The following TLCD4 variants were observed in gnomAD, a reference collection of about 807,000 sequenced individuals.
The protein encoded by TLCD4 is TLC domain containing 4, also known as TLC domain-containing protein 4.
TLCD4 carries 7 observed loss-of-function variants against 24.2 expected under a neutral mutation model. That is an observed-to-expected ratio of 0.29 (90% CI 0.16 to 0.54). The LOEUF is 0.54. Among genes scored for constraint, TLCD4 ranks in the 20% least tolerant of loss-of-function variants. The probability of loss-of-function intolerance (pLI) is 0.95; values close to 1 mark genes in which losing one functional copy is unlikely to be tolerated. For synonymous variants in TLCD4, 103 were observed against 106.4 expected (o/e 0.97, Z 0.20); for missense variants, 259 against 313.9 (o/e 0.82, Z 1.32).
At chr1:95,144,166 T>G (rs1677287957) in intron 2 of TLCD4, 110 bp downstream of exon 2, 2 of 1,188,388 alleles carry the variant, frequency 1.7e-6, no homozygotes, top group South Asian at 8.3e-5. Context: ...AGGCCAAATT[T>G]TTATTTGATC....
the TLCD4 span, among the ~76,000 whole-genome samples, chr1:95,107,234 T>C: frequency 6.6e-6 from 1 of 152,092 alleles, no homozygotes. Flanking sequence ...CCATCCTGGC[T>C]AACACGGTGA....
chr1:95,125,786 A>G (rs972657899), intron 1 of TLCD4, among the ~76,000 whole-genome samples: 1 of 152,210 alleles, frequency 6.6e-6, no homozygotes, highest in African/African-American at 2.4e-5. Flanking sequence ...CTTCAAATAT[A>G]GAATATAATA....
At chr1:95,135,676 G>C (rs1677022333) in intron 1 of TLCD4, among the ~76,000 whole-genome samples, 1 of 152,022 alleles carries the variant, frequency 6.6e-6, no homozygotes. Flanking sequence ...GAGATTACAG[G>C]TGTGAGCTAC....
At chr1:95,139,938 C>T (rs1035086041) in intron 1 of TLCD4, among the ~76,000 whole-genome samples, 1 of 152,144 alleles carries the variant, frequency 6.6e-6, no homozygotes, top group African/African-American at 2.4e-5. Flanking sequence ...CTAGGTCTGT[C>T]AGAACCATCA....
Position 95,192,087 on chromosome 1 carries a change from G to C in TLCD4, c.*219G>C. 9.6e-7 allele frequency: 1 copy of C among 1,036,686 alleles called. No individual in the cohort carries two copies. Among genetic ancestry groups the C allele is most frequent in the Admixed American group, 3.6e-5 (1 of 28,060 alleles). The allele number at this position is 1,036,686 out of a possible 1,614,324, so 64.2% of individuals were successfully genotyped here. ...CAAGGTGGGTCGATCACTGAGGTCA[G>C]GAGTTCGAGACTAGCTTGGCCAACA... On this transcript the variant is annotated 3_prime_UTR_variant, in exon 7 of 7. Coordinates refer to ENST00000370203, the MANE Select transcript of TLCD4 (RefSeq NM_152487.3).
At chr1:95,123,939 G>A (rs1676641068) in intron 1 of TLCD4, among the ~76,000 whole-genome samples, 1 of 152,148 alleles carries the variant, frequency 6.6e-6, no homozygotes, top group African/African-American at 2.4e-5. Context: ...GGGTAACACA[G>A]TGTTATCAAC....
intron 5 of TLCD4, among the ~76,000 whole-genome samples, chr1:95,161,714 T>C (rs968117224): frequency 9.8e-5 from 15 of 152,312 alleles, no homozygotes; most frequent in African/African-American, 3.4e-4. Flanking sequence ...TGTGTTCTCA[T>C]TGGTTTCAAA....
intron 5 of TLCD4, among the ~76,000 whole-genome samples, chr1:95,158,188 CTTTTTT>C (rs5776255): frequency 3.1e-5 from 4 of 128,792 alleles, no homozygotes; most frequent in South Asian, 2.5e-4. Context: ...TTAATTTTTT[CTTTTTT>C]TTTTTTTTTT....
intron 6 of TLCD4, among the ~76,000 whole-genome samples, chr1:95,178,936 TG>T (rs1427029466): frequency 6.6e-6 from 1 of 152,204 alleles, no homozygotes; most frequent in Non-Finnish European, 1.5e-5. Context: ...CTGCTCAACA[TG>T]GGTGAAGTGT....
chr1:95,193,303 ATGAC>A lies in TLCD4; in HGVS notation c.*1438_*1441del, dbSNP rs1437407651. On this transcript the variant is annotated 3_prime_UTR_variant, in exon 7 of 7. Transcript: ENST00000370203. ...TTATTGTCTGATTATATGAAGATAA[ATGAC>A]TGGCGACTCTGGTTGTGTGTGTATG... 3 of 152,154 alleles carry A rather than the reference ATGAC, an allele frequency of 2.0e-5. No individual in the cohort carries two copies. Among genetic ancestry groups the A allele is most frequent in the African/African-American group, 7.2e-5 (3 of 41,458 alleles). 9.4% of individuals were successfully genotyped at this position (152,154 alleles called of 1,614,324 possible).
intron 1 of TLCD4, among the ~76,000 whole-genome samples, chr1:95,140,409 C>T (rs1389989311): frequency 6.6e-6 from 1 of 152,182 alleles, no homozygotes; most frequent in African/African-American, 2.4e-5. Flanking sequence ...TGTGGTCTGT[C>T]ATTGACTGAA....
At position 95,196,001 on chromosome 1, in the gene TLCD4, A is replaced by G. The variant is rs760799348; in HGVS notation, c.*4133A>G. ...CTTATGGCAAATTTAAAAGTTTACA[A>G]ATAGGTTCTCTCATTGAAAAAAAGC... On this transcript the variant is annotated 3_prime_UTR_variant, in exon 7 of 7. Coordinates refer to ENST00000370203, the MANE Select transcript of TLCD4 (RefSeq NM_152487.3). The G allele has an allele frequency of 6.6e-6, 1 of 152,200 alleles. No individual in the cohort carries two copies. The highest frequency in any genetic ancestry group is 1.5e-5 in the Non-Finnish European group (1 of 68,032). 9.4% of individuals were successfully genotyped at this position (152,200 alleles called of 1,614,324 possible). A position where few individuals can be genotyped will look rare whatever the true frequency, so the allele number is the denominator to read the frequency against.
chr1:95,152,176 A>G (rs1314270230), intron 5 of TLCD4, among the ~76,000 whole-genome samples: 1 of 152,080 alleles, frequency 6.6e-6, no homozygotes, highest in Admixed American at 6.6e-5. Flanking sequence ...CAAAATAGGA[A>G]AAGTTAGATG....
intron 2 of TLCD4, among the ~76,000 whole-genome samples, chr1:95,146,442 A>T (rs971535437): frequency 2.0e-5 from 3 of 152,156 alleles, no homozygotes; most frequent in Non-Finnish European, 4.4e-5. Context: ...TATTTACACT[A>T]CTTGTGATTA....
At chr1:95,102,523 C>A in the TLCD4 span, among the ~76,000 whole-genome samples, 1 of 152,110 alleles carries the variant, frequency 6.6e-6, no homozygotes. Context: ...GAGGAGGGAT[C>A]ATGAGTTATA....
chr1:95,116,348 G>A (rs1030184313), upstream of TLCD4, among the ~76,000 whole-genome samples: 1 of 152,122 alleles, frequency 6.6e-6, no homozygotes. Context: ...AAATAAACAT[G>A]GACAGCTTAT....
chr1:95,155,363 T>C lies in TLCD4; in HGVS notation c.399+3944T>C, dbSNP rs1433969645. Among the ~76,000 whole-genome samples, 3 of 152,068 alleles carry C rather than the reference T, an allele frequency of 2.0e-5. No homozygotes were observed. The East Asian group carries it at 5.8e-4, about 29-fold the overall frequency. On this transcript the variant is annotated intron_variant, in intron 5 of 6. Transcript: ENST00000370203. The stretch of plus-strand genomic sequence containing the variant: ...TACTCTATGCAAAGCTCCTTAAAGG[T>C]AGATGACAGAGTAGAGACACCACAC...
At chr1:95,143,440 G>A (rs1677259465) in intron 1 of TLCD4, among the ~76,000 whole-genome samples, 1 of 152,002 alleles carries the variant, frequency 6.6e-6, no homozygotes, top group African/African-American at 2.4e-5. Context: ...GTTATTACAG[G>A]CAGTGTTAGT....
At chr1:95,100,702 T>G in the TLCD4 span, among the ~76,000 whole-genome samples, 234 of 152,352 alleles carry the variant, frequency 1.5e-3, 1 homozygote, top group African/African-American at 5.5e-3. Context: ...AAATATGTCT[T>G]TTTCAGATTT....
Sources: allele counts gnomAD v4.1 joint callset (sites outside exome capture counted in the v4.1 genomes callset), GRCh38; gene constraint gnomAD v4.1.1; transcripts MANE v1.5; gene names NCBI Gene and HGNC (gene_info 2026-07-23, HGNC 2026-07-21).